The following DAAM1 variants were observed in gnomAD, a reference collection of about 807,000 sequenced individuals.
DAAM1 encodes dishevelled associated activator of morphogenesis 1, also known as disheveled-associated activator of morphogenesis 1.
Under a neutral mutation model 130.0 loss-of-function variants are expected in DAAM1, and 52 were observed. The ratio of observed to expected loss-of-function variants is 0.40; its 90% CI spans 0.32 to 0.50. The LOEUF is 0.50. DAAM1 is among the 20% of genes least tolerant of loss of function. The pLI is 0.61. For synonymous variants in DAAM1, 452 were observed against 444.5 expected (o/e 1.02, Z -0.21); for missense variants, 1,134 against 1,303.8 (o/e 0.87, Z 2.01).
intron 2 of DAAM1, among the ~76,000 whole-genome samples, chr14:59,273,185 TA>T (rs896980871): frequency 2.0e-5 from 3 of 152,218 alleles, no homozygotes; most frequent in African/African-American, 7.2e-5. Flanking sequence ...CAATAAAGCT[TA>T]AGATACGACC....
chr14:59,247,135 TGTCGAAG>T (rs1881420460), intron 1 of DAAM1, among the ~76,000 whole-genome samples: 2 of 152,212 alleles, frequency 1.3e-5, no homozygotes, highest in South Asian at 4.1e-4. Flanking sequence ...CAGCACCATT[TGTCGAAG>T]AGACCCCTTT....
At chr14:59,275,992 T>G (rs1882949288) in intron 2 of DAAM1, among the ~76,000 whole-genome samples, 1 of 152,204 alleles carries the variant, frequency 6.6e-6, no homozygotes, top group African/African-American at 2.4e-5. Flanking sequence ...CTTTTAGGGC[T>G]TAAAGCTCTC....
chr14:59,227,561 G>C (rs1012948324), intron 1 of DAAM1, among the ~76,000 whole-genome samples: 2 of 152,168 alleles, frequency 1.3e-5, no homozygotes, highest in Non-Finnish European at 1.5e-5. Context: ...AAAATATGCA[G>C]AAAAATGGGA....
chr14:59,197,604 G>T (rs1887939625), intron 1 of DAAM1, among the ~76,000 whole-genome samples: 1 of 152,232 alleles, frequency 6.6e-6, no homozygotes, highest in South Asian at 2.1e-4. Flanking sequence ...GAAGTTCTAG[G>T]AACTGTGGCA....
At chr14:59,357,784 GAA>G (rs112838066) in intron 20 of DAAM1, among the ~76,000 whole-genome samples, 20 of 141,612 alleles carry the variant, frequency 1.4e-4, no homozygotes, top group Admixed American at 2.1e-4. Context: ...TCTCAAAAGA[GAA>G]AAAAAAAAAT....
At chr14:59,278,535 A>C (rs928862527) in intron 2 of DAAM1, among the ~76,000 whole-genome samples, 1 of 152,198 alleles carries the variant, frequency 6.6e-6, no homozygotes, top group African/African-American at 2.4e-5. Flanking sequence ...GAGGTAACTG[A>C]AATGGCAGAA....
intron 2 of DAAM1, among the ~76,000 whole-genome samples, chr14:59,275,330 G>A (rs1882916506): frequency 6.6e-6 from 1 of 152,096 alleles, no homozygotes; most frequent in African/African-American, 2.4e-5. Flanking sequence ...AAATAACTGT[G>A]GGTACTAGGT....
chr14:59,203,415 T>C (rs893939788), intron 1 of DAAM1, among the ~76,000 whole-genome samples: 2 of 152,124 alleles, frequency 1.3e-5, no homozygotes, highest in Non-Finnish European at 2.9e-5. Context: ...GTACACAAAC[T>C]GTATCTCAAA....
At chr14:59,360,994 C>G (rs1555365870) in intron 22 of DAAM1, 132 bp downstream of exon 22, 1 of 702,498 alleles carries the variant, frequency 1.4e-6, no homozygotes, top group South Asian at 2.9e-5. Flanking sequence ...AAAATAAGAA[C>G]CACCACCACA....
chr14:59,258,161 G>A (rs1881995235), intron 1 of DAAM1, among the ~76,000 whole-genome samples: 1 of 152,078 alleles, frequency 6.6e-6, no homozygotes, highest in African/African-American at 2.4e-5. Flanking sequence ...GGAATATTTG[G>A]CTCATAATTT....
intron 1 of DAAM1, among the ~76,000 whole-genome samples, chr14:59,230,304 CT>C (rs34764413): frequency 0.24 from 34,412 of 142,142 alleles, 4,756 homozygotes; most frequent in South Asian, 0.37. Flanking sequence ...TGCTTAGAGG[CT>C]TTTTTTTTTT....
intron 19 of DAAM1, among the ~76,000 whole-genome samples, chr14:59,354,849 TC>T (rs1886417349): frequency 1.3e-5 from 2 of 152,196 alleles, no homozygotes; most frequent in Non-Finnish European, 2.9e-5. Context: ...TGTAAAGAAA[TC>T]TTGGAGATGG....
At chr14:59,195,815 A>T (rs1887870895) in intron 1 of DAAM1, among the ~76,000 whole-genome samples, 1 of 151,958 alleles carries the variant, frequency 6.6e-6, no homozygotes, top group Admixed American at 6.5e-5. Flanking sequence ...GGTCAAGGGC[A>T]TGGGTTAGCT....
intron 1 of DAAM1, among the ~76,000 whole-genome samples, chr14:59,234,603 T>C (rs1334196520): frequency 6.6e-6 from 1 of 152,218 alleles, no homozygotes; most frequent in Non-Finnish European, 1.5e-5. Flanking sequence ...CTCTTCCTAT[T>C]TGAATACCCT....
Position 59,370,732 on chromosome 14 carries a change from G to A in DAAM1, c.*1873G>A, listed in dbSNP as rs1176270940. 6.6e-6 allele frequency: 1 copy of A among 152,168 alleles called. No individual in the cohort carries two copies. The highest frequency in any genetic ancestry group is 2.4e-5 in the African/African-American group (1 of 41,456). 9.4% of individuals were successfully genotyped at this position (152,168 alleles called of 1,614,324 possible). A position where few individuals can be genotyped will look rare whatever the true frequency, so the allele number is the denominator to read the frequency against. ...AGGTCTGCAATAACACCATGTTAAA[G>A]GTGCAGATAGAGACTTGGCTCAAAA... On this transcript the variant is annotated 3_prime_UTR_variant, in exon 25 of 25. Coordinates refer to ENST00000360909, the MANE Select transcript of DAAM1 (RefSeq NM_001270520.2).
At chr14:59,257,515 A>G (rs993104413) in intron 1 of DAAM1, among the ~76,000 whole-genome samples, 4 of 146,210 alleles carry the variant, frequency 2.7e-5, no homozygotes, top group African/African-American at 9.8e-5. Flanking sequence ...AGAGAGCCAG[A>G]TAAGGAAGAC....
intron 5 of DAAM1, 80 bp from the exon 6 acceptor site, chr14:59,322,812 C>G: frequency 1.7e-6 from 2 of 1,168,122 alleles, no homozygotes; most frequent in Non-Finnish European, 2.4e-6. Flanking sequence ...CTTTCTTTCC[C>G]CTGCCCTCTA....
At chr14:59,344,363 T>C (rs1158297971) in intron 16 of DAAM1, among the ~76,000 whole-genome samples, 1 of 152,198 alleles carries the variant, frequency 6.6e-6, no homozygotes, top group Non-Finnish European at 1.5e-5. Flanking sequence ...TGAATACTGT[T>C]TTAAGATGGC....
chr14:59,263,861 C>T, intron 2 of DAAM1: 1 of 650,450 alleles, frequency 1.5e-6, no homozygotes, highest in South Asian at 1.9e-5. Flanking sequence ...ATTACTACAT[C>T]CAAGTGCTTT....
Sources: gnomAD v4.1 joint callset for allele counts (sites outside exome capture counted in the v4.1 genomes callset) on GRCh38, gnomAD v4.1.1 for gene constraint, MANE v1.5 for transcripts, NCBI Gene and HGNC (gene_info 2026-07-23, HGNC 2026-07-21) for gene names.